TP73: variants seen among roughly 807,000 people sequenced by gnomAD.
TP73 encodes the protein p53-like transcription factor.
A neutral mutation model predicts 62.5 loss-of-function variants in TP73; 25 were observed. That is an observed-to-expected ratio of 0.40 (90% CI 0.29 to 0.56). TP73 has a LOEUF of 0.56. Among genes scored for constraint, TP73 ranks in the 20% least tolerant of loss-of-function variants. The pLI is 0.46. For missense variants in TP73, 754 were observed against 913.3 expected (o/e 0.83, Z 2.25); for synonymous variants, 423 against 377.5 (o/e 1.12, Z -1.40).
At chr1:3,687,741 G>A (rs1269768772) in intron 3 of TP73, among the ~76,000 whole-genome samples, 1 of 151,990 alleles carries the variant, frequency 6.6e-6, no homozygotes, top group African/African-American at 2.4e-5. Flanking sequence ...CTCCAGGGCT[G>A]GCCCCTCCCC....
At chr1:3,713,476 C>T (rs1397408051) in intron 4 of TP73, among the ~76,000 whole-genome samples, 1 of 152,174 alleles carries the variant, frequency 6.6e-6, no homozygotes, top group African/African-American at 2.4e-5. Context: ...GACCTTGGGC[C>T]GTGTGGGACT....
At chr1:3,711,386 C>T (rs143774111) in intron 4 of TP73, among the ~76,000 whole-genome samples, 151 of 152,356 alleles carry the variant, frequency 9.9e-4, no homozygotes, top group Non-Finnish European at 1.3e-3. Context: ...CCTGGGAGCC[C>T]TGCAGGTTGG....
chr1:3,679,913 GTCTCTC>G (rs775098144), intron 1 of TP73, among the ~76,000 whole-genome samples: 1 of 144,656 alleles, frequency 6.9e-6, no homozygotes, highest in Non-Finnish European at 1.5e-5. Context: ...CTCTCTTCCT[GTCTCTC>G]TCTATCTCTT....
intron 1 of TP73, among the ~76,000 whole-genome samples, chr1:3,661,156 C>G (rs1386968867): frequency 6.6e-6 from 1 of 151,992 alleles, no homozygotes; most frequent in African/African-American, 2.4e-5. Flanking sequence ...GCAAAATAAT[C>G]TATGTTTTTA....
chr1:3,726,525 A>G (rs1162342318), intron 6 of TP73, among the ~76,000 whole-genome samples: 9 of 135,910 alleles, frequency 6.6e-5, no homozygotes, highest in African/African-American at 2.3e-4. Flanking sequence ...GAATGGATGG[A>G]TGGATATTGA....
rs145545337 is a variant in TP73 at position 3,717,923 on chromosome 1, T to C, written c.430-4098T>C. 6.7e-3 allele frequency among the ~76,000 whole-genome samples: 1,028 copies of C among 152,322 alleles called. 12 individuals carry two copies. Among genetic ancestry groups the C allele is most frequent in the African/African-American group, 0.023 (973 of 41,564 alleles). On this transcript the variant is annotated intron_variant, in intron 4 of 13. Transcript: ENST00000378295. The stretch of plus-strand genomic sequence containing the variant: ...CCAGGCATGTATGCCCCAAAGGCCA[T>C]GTGAGCACTGCACTGGGGACACCTG...
intron 1 of TP73, among the ~76,000 whole-genome samples, chr1:3,661,841 AATAT>A (rs1198501911): frequency 6.8e-6 from 1 of 147,256 alleles, no homozygotes; most frequent in Admixed American, 6.9e-5. Flanking sequence ...CTATATATAT[AATAT>A]ATGTATTATA....
chr1:3,680,436 C>A (rs1645493147), intron 1 of TP73, among the ~76,000 whole-genome samples: 1 of 152,158 alleles, frequency 6.6e-6, no homozygotes, highest in Non-Finnish European at 1.5e-5. Flanking sequence ...GGCCCATCTA[C>A]AAAATGAAGG....
intron 1 of TP73, among the ~76,000 whole-genome samples, chr1:3,658,497 G>A (rs1416037112): frequency 2.0e-5 from 3 of 151,708 alleles, no homozygotes; most frequent in Non-Finnish European, 4.4e-5. Flanking sequence ...GACAAATGAG[G>A]AGAGGGTGAG....
rs2124543695 is a variant in TP73, at chr1:3,730,992, A to G, written c.1411A>G (p.Ser471Gly). The G allele has an allele frequency of 6.2e-7, 1 of 1,612,250 alleles. No homozygotes were observed. ...CAACGGCGAGATGAGCAGCAGCCAC[A>G]GCGCCCAGTCCATGGTCTCGGGGTC... ...PANGEMSSSH[S>G]AQSMVSGSHC... is the part of the protein sequence containing the mutation. Residue 471 changes from serine to glycine, a missense_variant, in exon 12 of 14, where the codon AGC becomes GGC. By Grantham distance (56) the Ser-to-Gly change is moderately conservative. Coordinates refer to ENST00000378295, the MANE Select transcript of TP73 (RefSeq NM_005427.4).
rs1453450986 is a variant in TP73 at position 3,672,806 on chromosome 1, C to A, written c.-33-9527C>A. Among the ~76,000 whole-genome samples, 1 of 152,186 alleles carries A rather than the reference C, an allele frequency of 6.6e-6. No homozygotes were observed. The highest frequency in any genetic ancestry group is 1.5e-5 in the Non-Finnish European group (1 of 68,030). On this transcript the variant is annotated intron_variant, in intron 1 of 13. Transcript: ENST00000378295. This position sits in a 1 kb window ranked among gnomAD's most constrained non-coding sequence, Gnocchi z 5.3. ...CTTCCCTCCTGCCGCCAACCTCGTC[C>A]CCCCAAGGGCCATGTCCCTGCCCAC...
rs1332033590 is a variant in TP73 at position 3,707,761 on chromosome 1, G to C, written c.399G>C (p.Gln133His). Residue 133 changes from glutamine to histidine, a missense_variant, in exon 4 of 14, where the codon CAG becomes CAC. Physicochemically the swap from Gln to His is conservative, Grantham distance 24. This residue lies in a region of TP73 where 235 missense variants were observed against 251.4 expected (regional missense o/e 0.93). Transcript: ENST00000378295. ...ACCACTTTGAGGTCACTTTCCAGCA[G>C]TCCAGCACGGCCAAGTCAGCCACCT... ...GPHHFEVTFQ[Q>H]SSTAKSATWT... is the part of the protein sequence containing the mutation. The C allele has an allele frequency of 6.2e-7, 1 of 1,613,028 alleles. No individual in the cohort carries two copies. Among genetic ancestry groups the C allele is most frequent in the South Asian group, 1.1e-5 (1 of 91,084 alleles).
intron 3 of TP73, among the ~76,000 whole-genome samples, chr1:3,683,983 C>A (rs1570434507): frequency 6.6e-6 from 1 of 152,270 alleles, no homozygotes; most frequent in Non-Finnish European, 1.5e-5. Flanking sequence ...GAGTCTCAAG[C>A]CCTGCCCCAT....
intron 1 of TP73, among the ~76,000 whole-genome samples, chr1:3,669,163 C>A (rs1480442469): frequency 6.6e-6 from 1 of 152,256 alleles, no homozygotes; most frequent in Non-Finnish European, 1.5e-5. Context: ...CCAGGCTTAG[C>A]CAAGGTAGGC....
intron 4 of TP73, among the ~76,000 whole-genome samples, chr1:3,720,144 C>A (rs1485183264): frequency 2.0e-5 from 3 of 152,342 alleles, no homozygotes; most frequent in East Asian, 3.9e-4. Context: ...GCTGGTCGAA[C>A]TCCTGACCTC....
intron 8 of TP73, 107 bp from the exon 9 acceptor site, chr1:3,728,022 G>A (rs1641817471): frequency 1.5e-6 from 2 of 1,298,114 alleles, no homozygotes; most frequent in African/African-American, 2.9e-5. Flanking sequence ...GGACCCACCT[G>A]GAGAATCGAT....
intron 3 of TP73, chr1:3,690,776 G>T: frequency 2.0e-6 from 3 of 1,494,106 alleles, no homozygotes; most frequent in Non-Finnish European, 1.8e-6. Flanking sequence ...ACTAGCTGCG[G>T]AGCCTCTCCC....
At chr1:3,691,818 C>T (rs940343778) in intron 3 of TP73, among the ~76,000 whole-genome samples, 8 of 152,202 alleles carry the variant, frequency 5.3e-5, no homozygotes, top group Non-Finnish European at 1.5e-5. Flanking sequence ...AGGCAGAGTC[C>T]AAGTGCCCCG....
intron 4 of TP73, among the ~76,000 whole-genome samples, chr1:3,717,322 G>GGAGGAGGGGAAGGA (rs1553143697): frequency 6.6e-6 from 1 of 152,206 alleles, no homozygotes; most frequent in Non-Finnish European, 1.5e-5. Flanking sequence ...CTGGGGCGGG[G>GGAGGAGGGGAAGGA]GAGGAGGGGA....
Sources: allele counts gnomAD v4.1 joint callset (sites outside exome capture counted in the v4.1 genomes callset), GRCh38; gene constraint gnomAD v4.1.1; regional missense constraint gnomAD v4.1.1; non-coding constraint Gnocchi (gnomAD v3.1); transcripts MANE v1.5; gene names NCBI Gene and HGNC (gene_info 2026-07-23, HGNC 2026-07-21).